ELF1: variants seen among roughly 807,000 people sequenced by gnomAD.
ELF1 encodes the protein E74 like ETS transcription factor 1.
Under a neutral mutation model 59.9 loss-of-function variants are expected in ELF1, and 24 were observed. The ratio of observed to expected loss-of-function variants is 0.40; its 90% CI spans 0.29 to 0.56. The LOEUF is 0.56. Ranked by LOEUF, ELF1 falls within the 20% of genes least tolerant of loss-of-function variation. The pLI, the probability that ELF1 is intolerant of heterozygous loss-of-function variation, is 0.44. For synonymous variants in ELF1, 248 were observed against 266.2 expected (o/e 0.93, Z 0.67); for missense variants, 627 against 742.2 (o/e 0.84, Z 1.80).
chr13:40,997,571 T>C (rs914974820), intron 1 of ELF1, among the ~76,000 whole-genome samples: 1 of 152,080 alleles, frequency 6.6e-6, no homozygotes, highest in Admixed American at 6.6e-5. Flanking sequence ...TTTTCTTTTT[T>C]TTTAAGAGAT....
intron 2 of ELF1, among the ~76,000 whole-genome samples, chr13:40,961,633 T>G (rs892970416): frequency 3.9e-5 from 6 of 152,208 alleles, no homozygotes; most frequent in African/African-American, 1.4e-4. Flanking sequence ...TAAAGAAAAG[T>G]GTAGCTAGCC....
intron 1 of ELF1, among the ~76,000 whole-genome samples, chr13:41,034,626 GAAAGGGA>G (rs1265920951): frequency 5.3e-5 from 8 of 151,944 alleles, no homozygotes; most frequent in Non-Finnish European, 1.2e-4. Context: ...TATGTTATCT[GAAAGGGA>G]TAAAACAGAT....
At chr13:41,007,301 T>C (rs1033309644) in intron 1 of ELF1, among the ~76,000 whole-genome samples, 11 of 152,128 alleles carry the variant, frequency 7.2e-5, no homozygotes, top group African/African-American at 2.2e-4. Context: ...TTAAATAATA[T>C]GCAGCAACTG....
rs1242140642 is a variant in ELF1 at position 40,933,911 on chromosome 13, T to C, written c.1374A>G (p.Ser458=). The change falls in exon 9 of 9, where the codon TCA becomes TCG. Residue 458 remains serine (S), a synonymous_variant. Coordinates refer to ENST00000239882, the MANE Select transcript of ELF1 (RefSeq NM_172373.4). ...TAAACTTCTGAGATCCAGTACCTGC[T>C]GATGGATCTGTGCTGGCTATAACTG... The part of the protein sequence containing the change: ...LTTVIASTDP[S]AGTGSQKFIL... The C allele has an allele frequency of 1.9e-6, 3 of 1,614,154 alleles. No homozygotes were observed. The highest frequency in any genetic ancestry group is 1.7e-5 in the Admixed American group (1 of 60,016).
intron 1 of ELF1, among the ~76,000 whole-genome samples, chr13:40,995,916 G>C (rs1032171379): frequency 2.0e-5 from 3 of 151,874 alleles, no homozygotes; most frequent in African/African-American, 7.3e-5. Flanking sequence ...AATGTCAAGA[G>C]AATGAAAAGA....
chr13:41,021,562 A>G (rs1875690733), upstream of ELF1, among the ~76,000 whole-genome samples: 1 of 152,218 alleles, frequency 6.6e-6, no homozygotes, highest in East Asian at 1.9e-4. Flanking sequence ...TTGGGTTTCA[A>G]TCCCAGCTCT....
chr13:41,061,333 G>C (rs12858465), exon 1 of ELF1: 1 of 431,566 alleles, frequency 2.3e-6, no homozygotes, highest in African/African-American at 2.0e-5. Context: ...GGATGGCGCA[G>C]GGACTTGAGG....
At chr13:40,952,500 TAC>T (rs1870918919) in intron 3 of ELF1, among the ~76,000 whole-genome samples, 1 of 151,986 alleles carries the variant, frequency 6.6e-6, no homozygotes, top group South Asian at 2.1e-4. Flanking sequence ...TAGACAGGAC[TAC>T]AGTCTCAGGC....
In ELF1 at chr13:40,942,614, G is replaced by A. The variant is rs928331412; in HGVS notation, c.806+338C>T. Reference sequence around the variant, plus strand: ...TGGATCACTGCAGCCTCAACCTCCCGGGCTCAGGTGATTCTCCCACCTCAG... The same window carrying A: ...TGGATCACTGCAGCCTCAACCTCCCAGGCTCAGGTGATTCTCCCACCTCAG... On this transcript the variant is annotated intron_variant, in intron 7 of 8. Transcript: ENST00000239882. Among the ~76,000 whole-genome samples, 9 of 151,926 alleles carry A rather than the reference G, an allele frequency of 5.9e-5. 1 individual carries two copies. In the South Asian group the frequency reaches 6.2e-4, roughly 10 times the overall value.
chr13:40,956,571 C>CAAAAA (rs34245662), intron 3 of ELF1, among the ~76,000 whole-genome samples: 54 of 75,968 alleles, frequency 7.1e-4, no homozygotes, highest in Non-Finnish European at 9.3e-4. Context: ...CAAGAATGAT[C>CAAAAA]AAAAAAAAAA....
chr13:41,022,605 G>A (rs777408346), upstream of ELF1, among the ~76,000 whole-genome samples: 17 of 152,170 alleles, frequency 1.1e-4, no homozygotes, highest in Non-Finnish European at 2.2e-4. Flanking sequence ...TCTAGGCCAG[G>A]CACGTTGGCT....
intron 1 of ELF1, among the ~76,000 whole-genome samples, chr13:41,055,832 G>A (rs1019231428): frequency 6.6e-6 from 1 of 150,850 alleles, no homozygotes; most frequent in African/African-American, 2.4e-5. Flanking sequence ...CTACAGGAAC[G>A]CACCACCACA....
chr13:41,040,582 A>T (rs1040797107), intron 1 of ELF1, among the ~76,000 whole-genome samples: 1 of 152,108 alleles, frequency 6.6e-6, no homozygotes, highest in African/African-American at 2.4e-5. Context: ...ATCAGGCATT[A>T]GATTCTCTTA....
chr13:40,936,783 A>C (rs968328884), intron 8 of ELF1, among the ~76,000 whole-genome samples: 1 of 150,336 alleles, frequency 6.7e-6, no homozygotes, highest in East Asian at 1.9e-4. Context: ...AAAAAGAAAA[A>C]AAAGAAAAAA....
chr13:40,957,314 T>C (rs1174129884), intron 3 of ELF1, among the ~76,000 whole-genome samples: 1 of 133,228 alleles, frequency 7.5e-6, no homozygotes, highest in Non-Finnish European at 1.6e-5. Context: ...TTCACAGCTC[T>C]TTCCTGTCCC....
intron 1 of ELF1, among the ~76,000 whole-genome samples, chr13:41,045,703 T>C (rs1024441086): frequency 7.9e-5 from 12 of 152,214 alleles, no homozygotes; most frequent in Non-Finnish European, 2.9e-5. Context: ...CTTCCAACTA[T>C]GTGGTCAATT....
At chr13:40,985,631 C>A (rs1031930521) in intron 1 of ELF1, among the ~76,000 whole-genome samples, 2 of 152,176 alleles carry the variant, frequency 1.3e-5, no homozygotes, top group African/African-American at 2.4e-5. Context: ...AACTATAAGA[C>A]AAGTCTACAT....
intron 1 of ELF1, among the ~76,000 whole-genome samples, chr13:41,017,176 A>G (rs1201839595): frequency 6.6e-6 from 1 of 151,658 alleles, no homozygotes; most frequent in Non-Finnish European, 1.5e-5. Flanking sequence ...AGAAAACTAC[A>G]TTTTCAAAAT....
intron 1 of ELF1, among the ~76,000 whole-genome samples, chr13:41,049,498 T>C (rs1159853999): frequency 6.6e-6 from 1 of 152,120 alleles, no homozygotes; most frequent in East Asian, 1.9e-4. Flanking sequence ...ATTCAAAATA[T>C]CTAACATGGC....
Sources: gnomAD v4.1 joint callset for allele counts (sites outside exome capture counted in the v4.1 genomes callset) on GRCh38, gnomAD v4.1.1 for gene constraint, MANE v1.5 for transcripts, NCBI Gene and HGNC (gene_info 2026-07-23, HGNC 2026-07-21) for gene names.